XYLT1: variants seen among roughly 807,000 people sequenced by gnomAD.
XYLT1 encodes beta-D-xylosyltransferase 1.
XYLT1 carries 36 observed loss-of-function variants against 91.3 expected under a neutral mutation model. That is an observed-to-expected ratio of 0.39 (90% CI 0.30 to 0.52). XYLT1 has a LOEUF of 0.52. XYLT1 is among the 20% of genes least tolerant of loss of function. The pLI is 0.68. For synonymous variants in XYLT1, 588 were observed against 532.0 expected, an observed-to-expected ratio of 1.11 and a Z score of -1.45; for missense variants, 1,242 against 1,284.5, an observed-to-expected ratio of 0.97 and a Z score of 0.51.
chr16:17,378,710 C>G (rs115302987), intron 1 of XYLT1, among the ~76,000 whole-genome samples: 5 of 152,346 alleles, frequency 3.3e-5, no homozygotes, highest in African/African-American at 1.2e-4. Flanking sequence ...AAATTACGAC[C>G]AGTTCACAGC....
At position 17,117,865 on chromosome 16, in the gene XYLT1, C is replaced by A. The variant is rs181524912; in HGVS notation, c.2338G>T (p.Val780Leu). The change falls in exon 11 of 12, where the codon GTG becomes TTG. Residue 780 changes from valine (V) to leucine (L), a missense_variant. Physicochemically the swap from Val to Leu is conservative, Grantham distance 32. Transcript: ENST00000261381. ...ACGGGATCCACCCAAATGACGGTCACGGTCACATTAGGTCCCTTCCCCCAC... is the reference window on the plus strand; with the variant it reads ...ACGGGATCCACCCAAATGACGGTCAAGGTCACATTAGGTCCCTTCCCCCAC... ...QKWGKGPNVT[V>L]TVIWVDPVNV... 1.2e-6 allele frequency: 2 copies of A among 1,614,116 alleles called. No homozygotes were observed. Among genetic ancestry groups the A allele is most frequent in the Non-Finnish European group, 1.7e-6 (2 of 1,180,026 alleles).
At chr16:17,144,679 T>A (rs1290741172) in intron 6 of XYLT1, among the ~76,000 whole-genome samples, 1 of 152,226 alleles carries the variant, frequency 6.6e-6, no homozygotes, top group Non-Finnish European at 1.5e-5. Flanking sequence ...CATACATTTT[T>A]AATAAAGATA....
chr16:17,410,208 A>T (rs1241747747), intron 1 of XYLT1, among the ~76,000 whole-genome samples: 1 of 152,240 alleles, frequency 6.6e-6, no homozygotes, highest in Non-Finnish European at 1.5e-5. Flanking sequence ...TTGATACAAA[A>T]GGTGTATTAG....
chr16:17,110,448 G>C (rs1336388823), intron 11 of XYLT1, among the ~76,000 whole-genome samples: 1 of 152,156 alleles, frequency 6.6e-6, no homozygotes, highest in Non-Finnish European at 1.5e-5. Flanking sequence ...GTTTTTTAAA[G>C]GGGAGTGTCC....
At chr16:17,292,572 G>A (rs1392000623) in intron 2 of XYLT1, among the ~76,000 whole-genome samples, 1 of 152,128 alleles carries the variant, frequency 6.6e-6, no homozygotes, top group African/African-American at 2.4e-5. Flanking sequence ...TACAGCTCTG[G>A]TATAGTCAAG....
intron 11 of XYLT1, among the ~76,000 whole-genome samples, chr16:17,115,603 C>T (rs1024278189): frequency 3.3e-5 from 5 of 151,432 alleles, no homozygotes; most frequent in Admixed American, 2.0e-4. Context: ...CTCAGCCTCC[C>T]AAGTAGCTGG....
intron 2 of XYLT1, among the ~76,000 whole-genome samples, chr16:17,347,283 G>A (rs2035157171): frequency 1.3e-5 from 2 of 152,162 alleles, no homozygotes; most frequent in Admixed American, 1.3e-4. Context: ...GGGGCTACCG[G>A]AAGGAGCTGA....
intron 3 of XYLT1, among the ~76,000 whole-genome samples, chr16:17,213,612 CTTTCT>C (rs1180845615): frequency 4.6e-5 from 7 of 152,008 alleles, no homozygotes; most frequent in South Asian, 2.1e-4. Context: ...TTGGAACAAC[CTTTCT>C]TTTCTTTTCT....
rs376945552 is a variant in XYLT1, at chr16:17,358,060, G to A, written c.364-10C>T. 2 of 1,612,736 alleles carry A rather than the reference G, an allele frequency of 1.2e-6. No homozygotes were observed. The highest frequency in any genetic ancestry group is 1.3e-5 in the African/African-American group (1 of 74,754). On this transcript the variant is annotated splice_polypyrimidine_tract_variant and intron_variant, in intron 1 of 11. Coordinates refer to ENST00000261381, the MANE Select transcript of XYLT1 (RefSeq NM_022166.4). ...GACTTGGGTGTGGATCCTGTAGGAT[G>A]AAAGGAGAAAATGCACGTGAGGAGT...
intron 2 of XYLT1, among the ~76,000 whole-genome samples, chr16:17,264,301 T>A (rs949100422): frequency 6.6e-6 from 1 of 152,176 alleles, no homozygotes; most frequent in Non-Finnish European, 1.5e-5. Flanking sequence ...TTTCGATAGC[T>A]GATAGAAGCA....
intron 5 of XYLT1, among the ~76,000 whole-genome samples, chr16:17,164,925 A>G (rs1195627252): frequency 6.6e-6 from 1 of 152,192 alleles, no homozygotes; most frequent in Non-Finnish European, 1.5e-5. Flanking sequence ...GATGGTCCTG[A>G]GCAAATGAAG....
intron 2 of XYLT1, among the ~76,000 whole-genome samples, chr16:17,299,416 C>T (rs1307095095): frequency 6.6e-6 from 1 of 152,190 alleles, no homozygotes; most frequent in East Asian, 1.9e-4. Context: ...CTCTCCATCC[C>T]GTTAACCCGC....
At chr16:17,229,567 C>T (rs2141719774) in intron 3 of XYLT1, among the ~76,000 whole-genome samples, 1 of 152,142 alleles carries the variant, frequency 6.6e-6, no homozygotes, top group East Asian at 1.9e-4. Flanking sequence ...GAGAAGTAGG[C>T]CAGGTGGGGG....
chr16:17,334,281 T>C (rs2034945593), intron 2 of XYLT1, among the ~76,000 whole-genome samples: 1 of 152,174 alleles, frequency 6.6e-6, no homozygotes, highest in Admixed American at 6.5e-5. Context: ...GCGTGCTAAG[T>C]GTTTCCTCCC....
intron 11 of XYLT1, among the ~76,000 whole-genome samples, chr16:17,116,480 C>G (rs934700964): frequency 5.9e-5 from 9 of 152,192 alleles, no homozygotes; most frequent in African/African-American, 2.2e-4. Flanking sequence ...GTTTTAGGGA[C>G]TCATCCAAGC....
At chr16:17,184,434 T>C (rs2032138678) in intron 5 of XYLT1, among the ~76,000 whole-genome samples, 1 of 152,188 alleles carries the variant, frequency 6.6e-6, no homozygotes. Context: ...TTCTGTACTA[T>C]TTAGCCTGGA....
At chr16:17,280,212 A>G (rs913474113) in intron 2 of XYLT1, among the ~76,000 whole-genome samples, 3 of 152,176 alleles carry the variant, frequency 2.0e-5, no homozygotes, top group African/African-American at 4.8e-5. Context: ...TTATCCAGGC[A>G]TGGCGGCAGC....
intron 1 of XYLT1, among the ~76,000 whole-genome samples, chr16:17,373,196 T>C (rs920840995): frequency 6.6e-6 from 1 of 152,184 alleles, no homozygotes; most frequent in Non-Finnish European, 1.5e-5. Flanking sequence ...TCTGAAGGGC[T>C]GTTGTTGGAA....
rs138065916 is a variant in XYLT1 at position 17,131,372 on chromosome 16, G to A, written c.2027+3101C>T. ...GGAATGCAACCGAAGTATTCGTTTG[G>A]CCCAAAGCTGTTTTTCTTTCTTATT... On this transcript the variant is annotated intron_variant, in intron 9 of 11. Coordinates refer to ENST00000261381, the MANE Select transcript of XYLT1 (RefSeq NM_022166.4). Among the ~76,000 whole-genome samples the A allele has an allele frequency of 3.5e-4, 54 of 152,296 alleles. No homozygotes were observed. The East Asian group carries it at 9.3e-3, about 26-fold the overall frequency.
Sources: gnomAD v4.1 joint callset for allele counts (sites outside exome capture counted in the v4.1 genomes callset) on GRCh38, gnomAD v4.1.1 for gene constraint, MANE v1.5 for transcripts, NCBI Gene and HGNC (gene_info 2026-07-23, HGNC 2026-07-21) for gene names.